The following UNC13C variants were observed in gnomAD, a reference collection of about 807,000 sequenced individuals.
The protein encoded by UNC13C is unc-13 homolog C.
A neutral mutation model predicts 245.4 loss-of-function variants in UNC13C; 174 were observed. The observed-to-expected ratio is 0.71, with a 90% CI of 0.63 to 0.80. The LOEUF (loss-of-function observed/expected upper bound fraction) is 0.80. Among genes scored for constraint, UNC13C ranks in the 30% least tolerant of loss-of-function variants. The pLI is 0.00. For missense variants in UNC13C, 2,829 were observed against 2,602.9 expected (o/e 1.09, Z -1.89); for synonymous variants, 992 against 895.1 (o/e 1.11, Z -1.93).
At chr15:53,899,322 CT>C in the UNC13C span, among the ~76,000 whole-genome samples, 1 of 152,226 alleles carries the variant, frequency 6.6e-6, no homozygotes, top group African/African-American at 2.4e-5. Context: ...TGTTGACTCT[CT>C]GAATAAATCT....
At chr15:53,872,347 GA>G in the UNC13C span, among the ~76,000 whole-genome samples, 1 of 30,206 alleles carries the variant, frequency 3.3e-5, no homozygotes, top group Non-Finnish European at 2.4e-4. Context: ...GCCATTCATA[GA>G]TTTTTTTTTT....
At chr15:54,249,208 G>A (rs2036075490) in intron 7 of UNC13C, among the ~76,000 whole-genome samples, 1 of 147,022 alleles carries the variant, frequency 6.8e-6, no homozygotes, top group African/African-American at 2.6e-5. Context: ...TTTTCTATTG[G>A]CCTGTGTTTA....
At chr15:54,286,964 G>T (rs190363679) in intron 10 of UNC13C, among the ~76,000 whole-genome samples, 15 of 152,242 alleles carry the variant, frequency 9.9e-5, no homozygotes, top group Non-Finnish European at 1.9e-4. Flanking sequence ...TTTAAGAAGA[G>T]AATTATTTTT....
At chr15:54,476,705 A>C (rs1237702506) in intron 19 of UNC13C, among the ~76,000 whole-genome samples, 2 of 150,970 alleles carry the variant, frequency 1.3e-5, no homozygotes, top group Non-Finnish European at 2.9e-5. Flanking sequence ...TCTTTTGGTT[A>C]CTGTAGCCTT....
the UNC13C span, among the ~76,000 whole-genome samples, chr15:53,917,908 T>C: frequency 1.3e-5 from 2 of 152,216 alleles, no homozygotes; most frequent in Admixed American, 6.5e-5. Context: ...CACAGTCACC[T>C]GTCTTAGCTA....
At chr15:54,611,574 C>T (rs764903119) in intron 30 of UNC13C, 1 of 152,088 alleles carries the variant, frequency 6.6e-6, no homozygotes, top group Non-Finnish European at 1.5e-5. Flanking sequence ...TTTAAGAATC[C>T]TGAAAGATTC....
chr15:53,887,881 A>G, the UNC13C span, among the ~76,000 whole-genome samples: 1 of 152,048 alleles, frequency 6.6e-6, no homozygotes, highest in African/African-American at 2.4e-5. Context: ...AAGGACATGA[A>G]CTCATCCCTT....
chr15:54,240,963 T>C (rs984870410), intron 7 of UNC13C, among the ~76,000 whole-genome samples: 4 of 152,136 alleles, frequency 2.6e-5, no homozygotes, highest in African/African-American at 9.7e-5. Flanking sequence ...AGACTGGAAA[T>C]AAAGTAGCGA....
chr15:53,947,217 C>T, the UNC13C span, among the ~76,000 whole-genome samples: 8 of 152,014 alleles, frequency 5.3e-5, no homozygotes, highest in African/African-American at 1.9e-4. Flanking sequence ...CTGAATTTTC[C>T]AATAAGGCCT....
chr15:54,182,100 T>G (rs911023547), intron 4 of UNC13C, among the ~76,000 whole-genome samples: 3 of 152,060 alleles, frequency 2.0e-5, no homozygotes, highest in South Asian at 2.1e-4. Context: ...GTGAGCATCC[T>G]TGTCTTGTTT....
At chr15:53,941,237 T>A in the UNC13C span, among the ~76,000 whole-genome samples, 85,207 of 152,080 alleles carry the variant, frequency 0.56, 24,065 homozygotes, top group South Asian at 0.62. Flanking sequence ...CTGGGAGAAC[T>A]GGCTAGCCAT....
At chr15:54,320,694 C>T in intron 13 of UNC13C, 1 of 354,784 alleles carries the variant, frequency 2.8e-6, no homozygotes, top group Non-Finnish European at 5.4e-6. Context: ...TGGCTCTCTT[C>T]TCCTGCTAAA....
At chr15:54,257,175 A>G (rs1010853307) in intron 8 of UNC13C, among the ~76,000 whole-genome samples, 4 of 152,228 alleles carry the variant, frequency 2.6e-5, no homozygotes, top group African/African-American at 9.6e-5. Flanking sequence ...AATTTATGAA[A>G]CTAAATGTGA....
At position 54,331,453 on chromosome 15, in the gene UNC13C, T is replaced by C. The variant is rs557652382; in HGVS notation, c.4426-590T>C. Among the ~76,000 whole-genome samples the C allele has an allele frequency of 2.0e-5, 3 of 152,222 alleles. No homozygotes were observed. The East Asian group carries it at 5.8e-4, about 29-fold the overall frequency. On this transcript the variant is annotated intron_variant, in intron 14 of 32. Coordinates refer to ENST00000260323, the MANE Select transcript of UNC13C (RefSeq NM_001080534.3). ...AAGCAACAGAAGTTTTTTGGCTGCA[T>C]GTTTCTACTAATTTTAGCACTAAAT... is the stretch of plus-strand genomic sequence containing the variant.
intron 30 of UNC13C, among the ~76,000 whole-genome samples, chr15:54,607,852 C>G (rs1293775146): frequency 4.6e-5 from 7 of 152,188 alleles, no homozygotes; most frequent in Non-Finnish European, 1.0e-4. Flanking sequence ...ATCCAATCAC[C>G]TCCCACCCGT....
intron 24 of UNC13C, among the ~76,000 whole-genome samples, chr15:54,515,526 T>C (rs1056933826): frequency 2.6e-5 from 4 of 152,224 alleles, no homozygotes; most frequent in African/African-American, 9.6e-5. Flanking sequence ...ATCTAATATA[T>C]ACAGGTATAT....
At chr15:53,864,325 T>C in the UNC13C span, among the ~76,000 whole-genome samples, 1 of 152,202 alleles carries the variant, frequency 6.6e-6, no homozygotes, top group Non-Finnish European at 1.5e-5. Flanking sequence ...CTGCATTATC[T>C]TTAGTGATTC....
chr15:54,161,784 C>G (rs865966633), intron 4 of UNC13C, among the ~76,000 whole-genome samples: 5 of 152,052 alleles, frequency 3.3e-5, no homozygotes, highest in Middle Eastern at 3.4e-3. Flanking sequence ...AACCCTGTCT[C>G]TCATAAGAAT....
At chr15:54,594,833 T>C (rs1292766416) in intron 30 of UNC13C, among the ~76,000 whole-genome samples, 1 of 152,190 alleles carries the variant, frequency 6.6e-6, no homozygotes, top group African/African-American at 2.4e-5. Context: ...ACCCAGTGGG[T>C]ACCCCGAGTC....
Sources: gnomAD v4.1 joint callset for allele counts (sites outside exome capture counted in the v4.1 genomes callset) on GRCh38, gnomAD v4.1.1 for gene constraint, MANE v1.5 for transcripts, NCBI Gene and HGNC (gene_info 2026-07-23, HGNC 2026-07-21) for gene names.